The following JAKMIP2 variants were observed in gnomAD, a reference collection of about 807,000 sequenced individuals.
JAKMIP2 encodes janus kinase and microtubule-interacting protein 2.
Under a neutral mutation model 115.0 loss-of-function variants are expected in JAKMIP2, and 25 were observed. The ratio of observed to expected loss-of-function variants is 0.22; its 90% CI spans 0.16 to 0.30. The LOEUF (loss-of-function observed/expected upper bound fraction) is 0.30. Among genes scored for constraint, JAKMIP2 ranks in the 10% least tolerant of loss-of-function variants. The pLI is 1.00. For synonymous variants in JAKMIP2, 334 were observed against 343.6 expected (o/e 0.97, Z 0.31); for missense variants, 642 against 957.6 (o/e 0.67, Z 4.35).
At chr5:147,613,811 G>T (rs1756444369) in intron 19 of JAKMIP2, among the ~76,000 whole-genome samples, 1 of 152,162 alleles carries the variant, frequency 6.6e-6, no homozygotes, top group South Asian at 2.1e-4. Context: ...GGGGGCTAAG[G>T]TTTGTGCAAC....
chr5:147,666,233 A>T (rs1451322419), intron 2 of JAKMIP2, among the ~76,000 whole-genome samples: 1 of 152,214 alleles, frequency 6.6e-6, no homozygotes, highest in Non-Finnish European at 1.5e-5. Context: ...GCCAATAAAA[A>T]TTTTCTGAAA....
At chr5:147,635,296 A>G (rs1757560393) in intron 12 of JAKMIP2, among the ~76,000 whole-genome samples, 1 of 152,216 alleles carries the variant, frequency 6.6e-6, no homozygotes, top group African/African-American at 2.4e-5. Context: ...CAGATAACCA[A>G]AATTAATTAT....
chr5:147,664,905 T>C (rs1210008856), intron 2 of JAKMIP2, among the ~76,000 whole-genome samples: 5 of 152,144 alleles, frequency 3.3e-5, no homozygotes, highest in Non-Finnish European at 5.9e-5. Flanking sequence ...AATAATATTT[T>C]CTGTCATACA....
intron 1 of JAKMIP2, among the ~76,000 whole-genome samples, chr5:147,744,047 C>A (rs1474723395): frequency 2.0e-5 from 3 of 147,760 alleles, no homozygotes; most frequent in African/African-American, 7.7e-5. Context: ...TCCTTCCTTC[C>A]TTCCTTCCTT....
intron 20 of JAKMIP2, among the ~76,000 whole-genome samples, chr5:147,603,938 C>T (rs960219398): frequency 1.3e-5 from 2 of 151,654 alleles, no homozygotes; most frequent in African/African-American, 4.8e-5. Context: ...TTTTTTAAAC[C>T]TCAGCTGGAT....
chr5:147,675,854 G>C (rs1759921035), intron 1 of JAKMIP2, among the ~76,000 whole-genome samples: 1 of 139,566 alleles, frequency 7.2e-6, no homozygotes. Context: ...GTTCATCCAT[G>C]TTGTAGCATG....
At chr5:147,634,267 C>T (rs1757505014) in intron 12 of JAKMIP2, among the ~76,000 whole-genome samples, 1 of 152,032 alleles carries the variant, frequency 6.6e-6, no homozygotes, top group South Asian at 2.1e-4. Flanking sequence ...CCTCCTTTAG[C>T]CCAAAAAGAT....
chr5:147,608,120 A>G (rs1756125472), intron 20 of JAKMIP2, among the ~76,000 whole-genome samples: 1 of 152,074 alleles, frequency 6.6e-6, no homozygotes, highest in Non-Finnish European at 1.5e-5. Flanking sequence ...TTTTCAAAAA[A>G]CCAGCTCCTG....
chr5:147,638,365 A>G lies in JAKMIP2; in HGVS notation c.1530+1267T>C, dbSNP rs187942653. Among the ~76,000 whole-genome samples the G allele has an allele frequency of 2.1e-3, 324 of 152,126 alleles. 2 individuals carry two copies. Among genetic ancestry groups the G allele is most frequent in the African/African-American group, 7.3e-3 (303 of 41,530 alleles). ...AAAAGAAGTCTCCTTTTTTTGGAGG[A>G]ATCTCCAAAAAATAAAAATAAAATA... On this transcript the variant is annotated intron_variant, in intron 10 of 21. Coordinates refer to ENST00000616793, the MANE Select transcript of JAKMIP2 (RefSeq NM_001270941.2).
At chr5:147,745,263 G>A (rs1157094052) in intron 1 of JAKMIP2, among the ~76,000 whole-genome samples, 4 of 152,126 alleles carry the variant, frequency 2.6e-5, no homozygotes, top group Non-Finnish European at 4.4e-5. Flanking sequence ...ACCAGTGCAA[G>A]AAAATCTTAT....
Position 147,632,732 on chromosome 5 carries a change from T to C in JAKMIP2, c.1724A>G (p.Gln575Arg). Residue 575 changes from glutamine to arginine, a missense_variant, in exon 13 of 22, where the codon CAG becomes CGG. Around this residue, in one of 6 missense-constraint regions of JAKMIP2, gnomAD observed 103 missense variants for 177.6 expected, o/e 0.58. Coordinates refer to ENST00000616793, the MANE Select transcript of JAKMIP2 (RefSeq NM_001270941.2). ...AENHRLQQEL[Q>R]DARDQNELLE... ...CAGCTCATTCTGGTCTCTGGCGTCCTGTAGTTCTTGTTGTAACCGGTGATT... is the reference window on the plus strand; with the variant it reads ...CAGCTCATTCTGGTCTCTGGCGTCCCGTAGTTCTTGTTGTAACCGGTGATT... 1 of 1,613,484 alleles carries C rather than the reference T, an allele frequency of 6.2e-7. No homozygotes were observed. The highest frequency in any genetic ancestry group is 8.5e-7 in the Non-Finnish European group (1 of 1,179,564).
chr5:147,741,340 A>G (rs1165176905), intron 1 of JAKMIP2, among the ~76,000 whole-genome samples: 1 of 152,146 alleles, frequency 6.6e-6, no homozygotes, highest in Non-Finnish European at 1.5e-5. Context: ...TCAGAATGTG[A>G]TATATCAAAA....
chr5:147,763,221 A>T (rs745447768), intron 1 of JAKMIP2, among the ~76,000 whole-genome samples: 12 of 152,090 alleles, frequency 7.9e-5, no homozygotes, highest in Non-Finnish European at 1.5e-4. Context: ...GCCTGGATAG[A>T]TGAGTTCAGA....
At chr5:147,747,806 C>T (rs1754398455) in intron 1 of JAKMIP2, among the ~76,000 whole-genome samples, 1 of 152,228 alleles carries the variant, frequency 6.6e-6, no homozygotes, top group Admixed American at 6.5e-5. Context: ...TGAACTCCCA[C>T]TGTTCTCTCC....
chr5:147,634,925 CT>C (rs1757540478), intron 12 of JAKMIP2, among the ~76,000 whole-genome samples: 1 of 152,140 alleles, frequency 6.6e-6, no homozygotes, highest in South Asian at 2.1e-4. Flanking sequence ...AAAATAATTT[CT>C]GCATAACTTT....
intron 1 of JAKMIP2, among the ~76,000 whole-genome samples, chr5:147,770,378 AG>A (rs1755307071): frequency 6.6e-6 from 1 of 152,108 alleles, no homozygotes; most frequent in Admixed American, 6.6e-5. Flanking sequence ...ATTTCTGGTG[AG>A]CCATAGCAAA....
At chr5:147,777,753 A>G (rs1755614411) in intron 1 of JAKMIP2, among the ~76,000 whole-genome samples, 1 of 152,158 alleles carries the variant, frequency 6.6e-6, no homozygotes, top group Non-Finnish European at 1.5e-5. Flanking sequence ...ACTTTTTCCA[A>G]ATGTAGAATA....
intron 1 of JAKMIP2, among the ~76,000 whole-genome samples, chr5:147,724,246 T>G (rs1431485113): frequency 6.6e-6 from 1 of 152,234 alleles, no homozygotes; most frequent in Non-Finnish European, 1.5e-5. Flanking sequence ...GGTAGTTTTC[T>G]TCTACCATCT....
chr5:147,612,505 T>C (rs1231972306), intron 19 of JAKMIP2, 134 bp from the exon 20 acceptor site: 8 of 571,932 alleles, frequency 1.4e-5, no homozygotes, highest in Admixed American at 3.4e-5. Flanking sequence ...ACATCGCATG[T>C]ATGTTTTCCC....
Sources: gnomAD v4.1 joint callset for allele counts (sites outside exome capture counted in the v4.1 genomes callset) on GRCh38, gnomAD v4.1.1 for gene constraint, gnomAD v4.1.1 regional missense constraint, MANE v1.5 for transcripts, NCBI Gene and HGNC (gene_info 2026-07-23, HGNC 2026-07-21) for gene names.